FAR1: variants seen among roughly 807,000 people sequenced by gnomAD.
FAR1 encodes fatty acyl-CoA reductase 1, also known as male sterility domain-containing protein 2.
In FAR1, 22 loss-of-function variants were observed where a neutral mutation model predicts 61.1. The observed-to-expected ratio is 0.36, with a 90% CI of 0.26 to 0.51. The LOEUF is 0.51. Among genes scored for constraint, FAR1 ranks in the 20% least tolerant of loss-of-function variants. FAR1 has a pLI of 0.95. For missense variants in FAR1, 359 were observed against 626.9 expected, an observed-to-expected ratio of 0.57 and a Z score of 4.56; for synonymous variants, 206 against 209.7, an observed-to-expected ratio of 0.98 and a Z score of 0.15.
rs1452538007 is a variant in FAR1 at position 13,731,070 on chromosome 11, TTTC to T, written c.*2299_*2301del. 9.9e-5 allele frequency: 15 copies of T among 152,230 alleles called. No individual in the cohort carries two copies. The highest frequency in any genetic ancestry group is 1.6e-4 in the Non-Finnish European group (11 of 68,016). 9.4% of individuals were successfully genotyped at this position (152,230 alleles called of 1,614,324 possible). A position where few individuals can be genotyped will look rare whatever the true frequency, so the allele number is the denominator to read the frequency against. ...ACAGGATAGCCTACTAAATTAAATGTTTCTTATTTCACTTAACTCATTTGATTA... is the reference window on the plus strand; with the variant it reads ...ACAGGATAGCCTACTAAATTAAATGTTTATTTCACTTAACTCATTTGATTA... On this transcript the variant is annotated 3_prime_UTR_variant, in exon 12 of 12. Coordinates refer to ENST00000354817, the MANE Select transcript of FAR1 (RefSeq NM_032228.6).
At chr11:13,688,564 T>C (rs72864689) in intron 1 of FAR1, among the ~76,000 whole-genome samples, 13,658 of 152,238 alleles carry the variant, frequency 0.09, 707 homozygotes, top group South Asian at 0.13. Context: ...TATCTTTCCC[T>C]GTCTTACATG....
chr11:13,710,695 GGATGGAT>G lies in FAR1; in HGVS notation c.554_560del (p.Asp185AlafsTer2). On this transcript the variant is annotated frameshift_variant, in exon 5 of 12. Transcript: ENST00000354817. LOFTEE classifies it high-confidence loss of function. ...TTTGTATGCAATTTCTTTACCAGGT[GGATGGAT>G]GATGGCCTAGTAAATGATATCACGC... is the stretch of plus-strand genomic sequence containing the variant. 6.4e-7 allele frequency: 1 copy of G among 1,572,246 alleles called. No individual in the cohort carries two copies. Among genetic ancestry groups the G allele is most frequent in the Non-Finnish European group, 8.6e-7 (1 of 1,166,458 alleles).
At chr11:13,727,423 A>G (rs1354960917) in intron 10 of FAR1, 133 bp from the exon 11 acceptor site, 5 of 664,164 alleles carry the variant, frequency 7.5e-6, no homozygotes, top group Admixed American at 3.5e-5. Context: ...GTAAGATTTC[A>G]GAAGTTAATT....
intron 1 of FAR1, among the ~76,000 whole-genome samples, chr11:13,690,181 C>T (rs1009292804): frequency 3.3e-5 from 5 of 151,898 alleles, no homozygotes; most frequent in African/African-American, 1.2e-4. Flanking sequence ...CTGGCCCAAT[C>T]CTTTTTTGTA....
At chr11:13,689,679 T>A (rs1450470991) in intron 1 of FAR1, among the ~76,000 whole-genome samples, 14 of 152,124 alleles carry the variant, frequency 9.2e-5, no homozygotes, top group Admixed American at 9.2e-4. Context: ...GGTCCTATGA[T>A]ATGTGAATGT....
rs774938171 is a variant in FAR1 at position 13,728,599 on chromosome 11, AT to A, written c.1386-10del. 5.0e-6 allele frequency: 8 copies of A among 1,607,086 alleles called. No homozygotes were observed. In the East Asian group the frequency reaches 1.8e-4, roughly 36 times the overall value. ...AAAATACTGTCTAACATATCTCTTGATTTGCTTTCCAGGTTGCGGAATATAC... is the reference window on the plus strand; with the variant it reads ...AAAATACTGTCTAACATATCTCTTGATTGCTTTCCAGGTTGCGGAATATAC... On this transcript the variant is annotated splice_polypyrimidine_tract_variant and intron_variant, in intron 11 of 11. Coordinates refer to ENST00000354817, the MANE Select transcript of FAR1 (RefSeq NM_032228.6).
At chr11:13,687,510 C>G (rs1170117939) in intron 1 of FAR1, among the ~76,000 whole-genome samples, 1 of 152,196 alleles carries the variant, frequency 6.6e-6, no homozygotes, top group Non-Finnish European at 1.5e-5. Flanking sequence ...GGATTGTCAG[C>G]ATTCCTTTCA....
At chr11:13,669,124 G>C (rs1847964142) in intron 1 of FAR1, among the ~76,000 whole-genome samples, 1 of 152,194 alleles carries the variant, frequency 6.6e-6, no homozygotes, top group South Asian at 2.1e-4. Context: ...TGGCGAAGGT[G>C]GGGCGGGGTG....
At chr11:13,694,639 A>C in intron 1 of FAR1, 120 bp from the exon 2 acceptor site, 1 of 788,158 alleles carries the variant, frequency 1.3e-6, no homozygotes, top group Non-Finnish European at 2.0e-6. Flanking sequence ...TCTCTTGTTA[A>C]TGTTCTATTT....
At chr11:13,696,097 A>AATGTCTAC in intron 2 of FAR1, among the ~76,000 whole-genome samples, 1 of 152,176 alleles carries the variant, frequency 6.6e-6, no homozygotes, top group South Asian at 2.1e-4. Context: ...TTCTAAGTAA[A>AATGTCTAC]ATGTCTACAT....
chr11:13,698,079 T>A (rs973862872), intron 2 of FAR1, among the ~76,000 whole-genome samples: 3 of 152,166 alleles, frequency 2.0e-5, no homozygotes, highest in African/African-American at 7.2e-5. Context: ...TCCAGCTCTC[T>A]CCCTGAACTT....
chr11:13,669,181 A>G (rs1391917920), intron 1 of FAR1: 1 of 152,376 alleles, frequency 6.6e-6, no homozygotes, highest in Non-Finnish European at 1.5e-5. Flanking sequence ...GGTAGCGGCA[A>G]AGGGAGGCCT....
At chr11:13,694,277 CTCT>C (rs1319199073) in intron 1 of FAR1, among the ~76,000 whole-genome samples, 2 of 152,218 alleles carry the variant, frequency 1.3e-5, no homozygotes, top group East Asian at 3.9e-4. Flanking sequence ...TCGGTGTCAC[CTCT>C]TCTTGTTTCA....
chr11:13,705,152 G>C (rs1026279484), intron 3 of FAR1, among the ~76,000 whole-genome samples: 2 of 151,348 alleles, frequency 1.3e-5, no homozygotes, highest in African/African-American at 4.9e-5. Flanking sequence ...TTCTCATTTT[G>C]TACCCCCCTC....
chr11:13,698,802 G>C (rs1035205824), intron 2 of FAR1, among the ~76,000 whole-genome samples: 3 of 151,202 alleles, frequency 2.0e-5, no homozygotes, highest in African/African-American at 7.3e-5. Flanking sequence ...CTGCACTCCA[G>C]CCTGGGCAAC....
intron 1 of FAR1, among the ~76,000 whole-genome samples, chr11:13,675,528 T>C (rs1238122103): frequency 6.6e-6 from 1 of 152,238 alleles, no homozygotes; most frequent in Non-Finnish European, 1.5e-5. Context: ...GTAGATGTTA[T>C]ATCAGAACTT....
chr11:13,691,708 C>G (rs941089382), intron 1 of FAR1, among the ~76,000 whole-genome samples: 2 of 152,094 alleles, frequency 1.3e-5, no homozygotes, highest in Admixed American at 6.5e-5. Context: ...GAACTTTGTT[C>G]TTTTTTATGG....
In FAR1 at chr11:13,730,009, TTGA is replaced by T. The variant is rs1430323668; in HGVS notation, c.*1238_*1240del. The T allele has an allele frequency of 6.6e-6, 1 of 152,358 alleles. No individual in the cohort carries two copies. Among genetic ancestry groups the T allele is most frequent in the Non-Finnish European group, 1.5e-5 (1 of 67,864 alleles). 9.4% of individuals were successfully genotyped at this position (152,358 alleles called of 1,614,324 possible). On this transcript the variant is annotated 3_prime_UTR_variant, in exon 12 of 12. Coordinates refer to ENST00000354817, the MANE Select transcript of FAR1 (RefSeq NM_032228.6). ...ATAGAAACAAGTAATAGCAAGAAAATTGATGTATATTTTAATGATACATTAAAA... is the reference window on the plus strand; with the variant it reads ...ATAGAAACAAGTAATAGCAAGAAAATTGTATATTTTAATGATACATTAAAA...
At chr11:13,728,205 C>T (rs2134203893) in intron 11 of FAR1, among the ~76,000 whole-genome samples, 1 of 151,874 alleles carries the variant, frequency 6.6e-6, no homozygotes, top group Non-Finnish European at 1.5e-5. Flanking sequence ...CATATTGTTA[C>T]TCTTTGAGAA....
Sources: gnomAD v4.1 joint callset for allele counts (sites outside exome capture counted in the v4.1 genomes callset) on GRCh38, gnomAD v4.1.1 for gene constraint, MANE v1.5 for transcripts, NCBI Gene and HGNC (gene_info 2026-07-23, HGNC 2026-07-21) for gene names.